Variants in ANK3 observed in about 807,000 individuals in gnomAD.
ANK3 encodes ankyrin-3.
ANK3 carries 57 observed loss-of-function variants against 370.9 expected under a neutral mutation model. The ratio of observed to expected loss-of-function variants is 0.15; its 90% confidence interval spans 0.12 to 0.19. The LOEUF is 0.19. ANK3 is among the 10% of genes least tolerant of loss of function. The pLI, the probability that ANK3 is intolerant of heterozygous loss-of-function variation, is 1.00. For missense variants in ANK3, 4,439 were observed against 5,302.1 expected (o/e 0.84, Z 5.06); for synonymous variants, 1,929 against 1,946.3 (o/e 0.99, Z 0.23).
intron 2 of ANK3, among the ~76,000 whole-genome samples, chr10:60,582,700 A>G (rs1201249691): frequency 2.0e-5 from 3 of 150,518 alleles, no homozygotes; most frequent in African/African-American, 7.3e-5. Context: ...GATTCCTTCT[A>G]CATTTTGGAT....
At chr10:60,062,384 A>G (rs1052091750) in intron 40 of ANK3, 14 of 152,270 alleles carry the variant, frequency 9.2e-5, no homozygotes, top group Admixed American at 7.8e-4. Flanking sequence ...TTCAGTGAAG[A>G]AAGCACAATT....
chr10:60,491,529 T>C (rs1469767319), intron 2 of ANK3, among the ~76,000 whole-genome samples: 1 of 152,230 alleles, frequency 6.6e-6, no homozygotes, highest in Non-Finnish European at 1.5e-5. Flanking sequence ...TCTATCCACA[T>C]ACTATCAACA....
chr10:60,267,336 C>T (rs984489523), intron 5 of ANK3, among the ~76,000 whole-genome samples: 5 of 152,014 alleles, frequency 3.3e-5, no homozygotes, highest in Non-Finnish European at 7.4e-5. Context: ...TTCTCCAATT[C>T]CAATAATCCA....
At chr10:60,436,032 G>C (rs1236494342) in intron 2 of ANK3, among the ~76,000 whole-genome samples, 2 of 151,516 alleles carry the variant, frequency 1.3e-5, no homozygotes, top group Admixed American at 1.3e-4. Context: ...AGCTTGCAGT[G>C]AGCGGAGATC....
At chr10:60,067,656 A>G (rs1250191716) in intron 38 of ANK3, among the ~76,000 whole-genome samples, 1 of 152,246 alleles carries the variant, frequency 6.6e-6, no homozygotes, top group African/African-American at 2.4e-5. Flanking sequence ...AGGTTAACCT[A>G]TATTACAGAA....
chr10:60,382,379 C>A (rs1048850667), intron 1 of ANK3, among the ~76,000 whole-genome samples: 2 of 152,074 alleles, frequency 1.3e-5, no homozygotes, highest in Non-Finnish European at 2.9e-5. Context: ...TAAGTTCAGA[C>A]AAAACTGAGG....
intron 10 of ANK3, among the ~76,000 whole-genome samples, chr10:60,206,574 A>T (rs2096766493): frequency 6.6e-6 from 1 of 152,078 alleles, no homozygotes; most frequent in African/African-American, 2.4e-5. Flanking sequence ...CCACTTCACC[A>T]AGGTTTATTC....
At chr10:60,275,843 T>C (rs1167045681) in intron 4 of ANK3, among the ~76,000 whole-genome samples, 1 of 152,226 alleles carries the variant, frequency 6.6e-6, no homozygotes, top group Non-Finnish European at 1.5e-5. Context: ...TTTTATATTA[T>C]AAAGACAGAG....
intron 2 of ANK3, among the ~76,000 whole-genome samples, chr10:60,408,236 C>T (rs113001758): frequency 0.013 from 1,970 of 152,262 alleles, 49 homozygotes; most frequent in African/African-American, 0.045. Context: ...TGTGTCCCCA[C>T]CCATGTTTAA....
chr10:60,337,056 G>A (rs985704638), intron 1 of ANK3, among the ~76,000 whole-genome samples: 4 of 151,764 alleles, frequency 2.6e-5, no homozygotes, highest in Non-Finnish European at 4.4e-5. Flanking sequence ...GGAAGATAAA[G>A]AATTTCTGTT....
chr10:60,466,646 G>T (rs578089230), intron 2 of ANK3, among the ~76,000 whole-genome samples: 1 of 152,150 alleles, frequency 6.6e-6, no homozygotes. Flanking sequence ...ATTCATGGCG[G>T]GCAAAAAGTA....
intron 2 of ANK3, among the ~76,000 whole-genome samples, chr10:60,521,689 T>C (rs2076350720): frequency 6.6e-6 from 1 of 152,106 alleles, no homozygotes; most frequent in Non-Finnish European, 1.5e-5. Context: ...ACATCATTTG[T>C]GGTTTCTTAG....
chr10:60,188,705 T>C (rs527725179), intron 16 of ANK3, among the ~76,000 whole-genome samples: 6 of 152,326 alleles, frequency 3.9e-5, no homozygotes, highest in African/African-American at 1.4e-4. Flanking sequence ...ATGTCACTTC[T>C]AGACTCTTCT....
At chr10:60,141,451 G>A (rs1372035283) in intron 23 of ANK3, among the ~76,000 whole-genome samples, 3 of 151,490 alleles carry the variant, frequency 2.0e-5, no homozygotes, top group Non-Finnish European at 2.9e-5. Context: ...CTCCACTAGT[G>A]GCCTTCCTTC....
At chr10:60,703,725 G>C (rs531761913) in intron 1 of ANK3, among the ~76,000 whole-genome samples, 2 of 152,076 alleles carry the variant, frequency 1.3e-5, no homozygotes, top group Non-Finnish European at 2.9e-5. Flanking sequence ...AAATATGTAA[G>C]AAATACAATG....
chr10:60,181,333 G>T lies in ANK3; in HGVS notation c.2180C>A (p.Thr727Lys). Reference protein sequence around the residue: ...VNQGAHVDAQTKMGYTPLHVG... With the variant: ...VNQGAHVDAQKKMGYTPLHVG... ...TGGCAAGGGAGGGCCGTATACCTTT[G>T]TCTGGGCGTCCACATGAGCCCCTTG... is the stretch of plus-strand genomic sequence containing the variant. The change falls in exon 18 of 44, where the codon ACA (threonine) becomes AAA (lysine). Residue 727 changes from threonine to lysine, a missense_variant. Physicochemically the swap from Thr to Lys is moderately conservative, Grantham distance 78. This residue lies in a region of ANK3 where 702 missense variants were observed against 941.5 expected (regional missense o/e 0.75). Coordinates refer to ENST00000280772, the MANE Select transcript of ANK3 (RefSeq NM_020987.5). The T allele has an allele frequency of 6.2e-7, 1 of 1,614,068 alleles. No homozygotes were observed. The highest frequency in any genetic ancestry group is 8.5e-7 in the Non-Finnish European group (1 of 1,179,948).
intron 1 of ANK3, among the ~76,000 whole-genome samples, chr10:60,347,024 T>A (rs971292900): frequency 1.1e-4 from 7 of 64,312 alleles, no homozygotes; most frequent in African/African-American, 2.9e-4. Flanking sequence ...CTAGTATGTA[T>A]GTACAGTACT....
intron 28 of ANK3, among the ~76,000 whole-genome samples, chr10:60,100,730 T>C (rs539756072): frequency 2.0e-5 from 3 of 152,292 alleles, no homozygotes; most frequent in Admixed American, 1.3e-4. Context: ...AAGACAGCGA[T>C]TGGGATTTTT....
chr10:60,034,581 GC>G (rs754300322), intron 43 of ANK3, among the ~76,000 whole-genome samples: 36 of 152,090 alleles, frequency 2.4e-4, no homozygotes, highest in Non-Finnish European at 4.9e-4. Context: ...ATCATCTGTG[GC>G]TAATTCCTCT....
Sources: allele counts gnomAD v4.1 joint callset (sites outside exome capture counted in the v4.1 genomes callset), GRCh38; gene constraint gnomAD v4.1.1; regional missense constraint gnomAD v4.1.1; transcripts MANE v1.5; gene names NCBI Gene and HGNC (gene_info 2026-07-23, HGNC 2026-07-21).